MACROD2: variants seen among roughly 807,000 people sequenced by gnomAD.
The protein encoded by MACROD2 is ADP-ribose glycohydrolase MACROD2.
In MACROD2, 36 loss-of-function variants were observed where a neutral mutation model predicts 70.4. The ratio of observed to expected loss-of-function variants is 0.51; its 90% CI spans 0.39 to 0.68. The LOEUF is 0.68. Ranked by LOEUF, MACROD2 falls within the 30% of genes least tolerant of loss-of-function variation. The pLI is 0.00. For missense variants in MACROD2, 496 were observed against 538.4 expected (o/e 0.92, Z 0.78); for synonymous variants, 172 against 178.8 (o/e 0.96, Z 0.30).
intron 5 of MACROD2, among the ~76,000 whole-genome samples, chr20:14,973,660 A>G (rs533718160): frequency 6.6e-6 from 1 of 152,304 alleles, no homozygotes; most frequent in African/African-American, 2.4e-5. Flanking sequence ...ATTTGGGAAC[A>G]GTGTGAACTA....
chr20:14,734,540 A>AAAACAG (rs2071637859), intron 5 of MACROD2, among the ~76,000 whole-genome samples: 1 of 89,532 alleles, frequency 1.1e-5, no homozygotes, highest in Non-Finnish European at 2.8e-5. Context: ...AACAAAAACA[A>AAAACAG]AAAAGCAAAA....
intron 3 of MACROD2, among the ~76,000 whole-genome samples, chr20:14,099,617 T>C (rs1601222671): frequency 6.6e-6 from 1 of 152,296 alleles, no homozygotes; most frequent in East Asian, 1.9e-4. Flanking sequence ...TCTGGGTGTT[T>C]TAGTACTGCA....
At position 14,398,023 on chromosome 20, in the gene MACROD2, T is replaced by G. The variant is rs151107349; in HGVS notation, c.272-95456T>G. Among the ~76,000 whole-genome samples the G allele has an allele frequency of 1.6e-3, 245 of 152,266 alleles. No individual in the cohort carries two copies. In the Middle Eastern group the frequency reaches 0.024, roughly 15 times the overall value. On this transcript the variant is annotated intron_variant, in intron 3 of 17. Coordinates refer to ENST00000684519, the MANE Select transcript of MACROD2 (RefSeq NM_001351661.2). ...GCCTGAGTTATTTCACTTAACATAA[T>G]GGCCTTCAGGTTCATCCACGTTGCC...
intron 6 of MACROD2, among the ~76,000 whole-genome samples, chr20:15,295,930 C>T (rs564210402): frequency 1.3e-5 from 2 of 152,268 alleles, no homozygotes; most frequent in South Asian, 4.1e-4. Context: ...AGCTCACTGC[C>T]ACATTGGCAT....
intron 6 of MACROD2, among the ~76,000 whole-genome samples, chr20:15,287,267 T>A (rs2077500576): frequency 6.6e-6 from 1 of 152,236 alleles, no homozygotes; most frequent in Non-Finnish European, 1.5e-5. Flanking sequence ...ATTGTATACA[T>A]GTGCTTTGTC....
rs578182047 is a variant in MACROD2, at chr20:15,854,329, G to A, written c.646-8416G>A. ...TCCTGAACTGCTTTGGGGACCATAT[G>A]GCAAGGAAATGCAGGTGGCCTCTAG... is the stretch of plus-strand genomic sequence containing the variant. On this transcript the variant is annotated intron_variant, in intron 8 of 17. Transcript: ENST00000684519. 2.6e-5 allele frequency among the ~76,000 whole-genome samples: 4 copies of A among 152,184 alleles called. No individual in the cohort carries two copies. In the East Asian group the frequency reaches 7.8e-4, roughly 29 times the overall value.
intron 3 of MACROD2, among the ~76,000 whole-genome samples, chr20:14,091,401 T>C (rs1160666510): frequency 6.6e-6 from 1 of 152,138 alleles, no homozygotes. Flanking sequence ...GAGGAATAGG[T>C]TTTGAGATTT....
intron 3 of MACROD2, among the ~76,000 whole-genome samples, chr20:14,329,916 A>T (rs1000189399): frequency 1.1e-4 from 17 of 152,014 alleles, no homozygotes; most frequent in African/African-American, 3.9e-4. Context: ...GTATCTAAGG[A>T]CTACTTAGTG....
intron 5 of MACROD2, among the ~76,000 whole-genome samples, chr20:14,846,450 C>T (rs958152097): frequency 4.6e-5 from 7 of 150,748 alleles, no homozygotes; most frequent in East Asian, 2.0e-4. Context: ...GAAGTTTTTT[C>T]GAAAACTAAA....
intron 8 of MACROD2, among the ~76,000 whole-genome samples, chr20:15,512,561 T>G (rs1309547132): frequency 6.6e-6 from 1 of 152,250 alleles, no homozygotes; most frequent in Admixed American, 6.5e-5. Flanking sequence ...AAACAACTTT[T>G]GAGAGTCAAG....
chr20:14,005,010 T>A (rs535222731), intron 2 of MACROD2, among the ~76,000 whole-genome samples: 1 of 152,310 alleles, frequency 6.6e-6, no homozygotes, highest in African/African-American at 2.4e-5. Flanking sequence ...TGTTCAGATT[T>A]ATTTTACTTT....
chr20:15,709,637 C>T (rs995675718), intron 8 of MACROD2, among the ~76,000 whole-genome samples: 3 of 152,002 alleles, frequency 2.0e-5, no homozygotes, highest in African/African-American at 4.8e-5. Flanking sequence ...ACTGCACTCC[C>T]GCCTAGGTGA....
At chr20:14,180,337 A>T (rs1047175177) in intron 3 of MACROD2, among the ~76,000 whole-genome samples, 2 of 152,160 alleles carry the variant, frequency 1.3e-5, no homozygotes, top group African/African-American at 4.8e-5. Context: ...CTTCTAGTTC[A>T]TTATGTAAAT....
Position 15,967,782 on chromosome 20 carries a change from T to A in MACROD2, c.985+152T>A, listed in dbSNP as rs937111084. The A allele has an allele frequency of 1.2e-5, 7 of 579,846 alleles. No homozygotes were observed. The African/African-American group carries it at 1.4e-4, about 11-fold the overall frequency. The allele number at this position is 579,846 out of a possible 1,614,324, so 35.9% of individuals were successfully genotyped here. The stretch of plus-strand genomic sequence containing the variant: ...CACTGAATACCAGTTGATCAGTAGC[T>A]GCCATCTTTAGATGACACTTTTGCT... On this transcript the variant is annotated intron_variant, in intron 13 of 17. Transcript: ENST00000684519.
intron 3 of MACROD2, among the ~76,000 whole-genome samples, chr20:14,414,198 A>C (rs2083779080): frequency 6.6e-6 from 1 of 152,172 alleles, no homozygotes; most frequent in African/African-American, 2.4e-5. Flanking sequence ...TAAATCTTAC[A>C]GTTTACAAGT....
intron 4 of MACROD2, among the ~76,000 whole-genome samples, chr20:14,659,059 A>G (rs902064442): frequency 6.6e-6 from 1 of 152,146 alleles, no homozygotes; most frequent in East Asian, 1.9e-4. Flanking sequence ...GATCTCCCAA[A>G]TTTGCTTTCT....
chr20:14,417,765 A>G (rs1321765766), intron 3 of MACROD2, among the ~76,000 whole-genome samples: 2 of 152,188 alleles, frequency 1.3e-5, no homozygotes, highest in Non-Finnish European at 2.9e-5. Context: ...TGAGTGCTGT[A>G]TTACTTCTGT....
chr20:14,872,117 C>A (rs1419453605), intron 5 of MACROD2, among the ~76,000 whole-genome samples: 1 of 151,992 alleles, frequency 6.6e-6, no homozygotes, highest in African/African-American at 2.4e-5. Context: ...ATCACTGAGA[C>A]AAAATTAACA....
intron 5 of MACROD2, among the ~76,000 whole-genome samples, chr20:14,771,390 A>G (rs2072163096): frequency 6.6e-6 from 1 of 152,078 alleles, no homozygotes; most frequent in Non-Finnish European, 1.5e-5. Context: ...GAAACTTCAA[A>G]CACCATATTA....
Sources: gnomAD v4.1 joint callset for allele counts (sites outside exome capture counted in the v4.1 genomes callset) on GRCh38, gnomAD v4.1.1 for gene constraint, MANE v1.5 for transcripts, NCBI Gene and HGNC (gene_info 2026-07-23, HGNC 2026-07-21) for gene names.